The following GABBR2 variants were observed in gnomAD, a reference collection of about 807,000 sequenced individuals.
The protein encoded by GABBR2 is gamma-aminobutyric acid type B receptor subunit 2, also known as G-protein coupled receptor 51.
Under a neutral mutation model 105.6 loss-of-function variants are expected in GABBR2, and 23 were observed. The ratio of observed to expected loss-of-function variants is 0.22; its 90% confidence interval spans 0.16 to 0.31. The LOEUF is 0.31. Ranked by LOEUF, GABBR2 falls within the 10% of genes least tolerant of loss-of-function variation. GABBR2 has a pLI of 1.00. For missense variants in GABBR2, 734 were observed against 1,245.5 expected (o/e 0.59, Z 6.18); for synonymous variants, 478 against 499.7 (o/e 0.96, Z 0.58).
chr9:98,552,173 C>T (rs929904114), intron 2 of GABBR2: 4 of 152,202 alleles, frequency 2.6e-5, no homozygotes, highest in African/African-American at 9.7e-5. Context: ...AGTTTAGCTT[C>T]TCTGCAAAAA....
intron 1 of GABBR2, among the ~76,000 whole-genome samples, chr9:98,597,665 G>C (rs1829258044): frequency 6.6e-6 from 1 of 152,084 alleles, no homozygotes; most frequent in Non-Finnish European, 1.5e-5. Context: ...TGCCTTCCCA[G>C]AATCCCCAGA....
chr9:98,437,005 CA>C (rs1162449787), intron 7 of GABBR2, among the ~76,000 whole-genome samples: 1 of 152,034 alleles, frequency 6.6e-6, no homozygotes, highest in Non-Finnish European at 1.5e-5. Flanking sequence ...GGGTAGAGGA[CA>C]GATTTTAATG....
intron 14 of GABBR2, among the ~76,000 whole-genome samples, chr9:98,308,923 A>G (rs1266335036): frequency 6.6e-6 from 1 of 152,216 alleles, no homozygotes; most frequent in Non-Finnish European, 1.5e-5. Context: ...GCGCCCCATC[A>G]CTGGAGGTAT....
intron 1 of GABBR2, among the ~76,000 whole-genome samples, chr9:98,704,325 C>T (rs1830867954): frequency 6.6e-6 from 1 of 152,220 alleles, no homozygotes; most frequent in South Asian, 2.1e-4. Flanking sequence ...ATCTTGGCAT[C>T]AGGGTGGTCT....
At chr9:98,466,005 T>C (rs867033104) in intron 6 of GABBR2, among the ~76,000 whole-genome samples, 1 of 152,072 alleles carries the variant, frequency 6.6e-6, no homozygotes, top group African/African-American at 2.4e-5. Flanking sequence ...CAAGATCGGG[T>C]TGTTTAAAAG....
At position 98,395,295 on chromosome 9, in the gene GABBR2, G is replaced by A. The variant is rs138988962; in HGVS notation, c.1298-1040C>T. ...TCCCATCCCTGAGCAGAGAACCCAGGAGGGCTTCAAATACAAGGGGAAGAA... is the reference window on the plus strand; with the variant it reads ...TCCCATCCCTGAGCAGAGAACCCAGAAGGGCTTCAAATACAAGGGGAAGAA... On this transcript the variant is annotated intron_variant, in intron 8 of 18. Coordinates refer to ENST00000259455, the MANE Select transcript of GABBR2 (RefSeq NM_005458.8). Among the ~76,000 whole-genome samples the A allele has an allele frequency of 3.1e-3, 469 of 152,240 alleles. 6 individuals are homozygous for A. Among genetic ancestry groups the A allele is most frequent in the African/African-American group, 0.011 (452 of 41,530 alleles).
chr9:98,327,522 T>C (rs1182933581), intron 13 of GABBR2, among the ~76,000 whole-genome samples: 2 of 152,010 alleles, frequency 1.3e-5, no homozygotes, highest in African/African-American at 4.8e-5. Flanking sequence ...GCCAAAGAAG[T>C]TTTGGAAATG....
chr9:98,293,898 TC>T lies in GABBR2; in HGVS notation c.2546del (p.Gly849GlufsTer6). The T allele has an allele frequency of 6.3e-7, 1 of 1,578,084 alleles. No homozygotes were observed. The highest frequency in any genetic ancestry group is 8.7e-7 in the Non-Finnish European group (1 of 1,147,394). Reference protein sequence around the residue: ...NLGNFTESTDGGKAILKNHLD... With the variant: ...NLGNFTESTDXGKAILKNHLD... ...GGTGATTTTTTAAAATGGCCTTTCC[TC>T]CATCTGAATGCAAAACAACAATACC... On this transcript the variant is annotated frameshift_variant, in exon 18 of 19. Transcript: ENST00000259455. LOFTEE classifies it high-confidence loss of function.
intron 7 of GABBR2, among the ~76,000 whole-genome samples, chr9:98,435,369 C>A (rs937463299): frequency 2.6e-5 from 4 of 152,070 alleles, no homozygotes; most frequent in Admixed American, 1.3e-4. Flanking sequence ...AGGAGCACAC[C>A]CTCCATCATC....
At chr9:98,439,459 C>A (rs1214825139) in intron 7 of GABBR2, among the ~76,000 whole-genome samples, 1 of 152,166 alleles carries the variant, frequency 6.6e-6, no homozygotes, top group Non-Finnish European at 1.5e-5. Context: ...ATATTAAAGG[C>A]AATGTTAATA....
chr9:98,598,843 C>T (rs1829277204), intron 1 of GABBR2, among the ~76,000 whole-genome samples: 1 of 152,164 alleles, frequency 6.6e-6, no homozygotes, highest in Non-Finnish European at 1.5e-5. Flanking sequence ...CTACAGGCCA[C>T]GTGAGATGGG....
chr9:98,489,713 A>T (rs560182835), intron 4 of GABBR2, among the ~76,000 whole-genome samples: 2 of 151,626 alleles, frequency 1.3e-5, no homozygotes, highest in African/African-American at 4.8e-5. Context: ...GGCGACCATC[A>T]CACAATTGGG....
chr9:98,696,301 C>T (rs1401781599), intron 1 of GABBR2, among the ~76,000 whole-genome samples: 1 of 152,204 alleles, frequency 6.6e-6, no homozygotes, highest in Admixed American at 6.5e-5. Context: ...CAGAGAGGAC[C>T]ATGTGGCTGG....
chr9:98,293,062 T>C (rs1038189061), intron 18 of GABBR2, among the ~76,000 whole-genome samples: 1 of 152,220 alleles, frequency 6.6e-6, no homozygotes, highest in African/African-American at 2.4e-5. Flanking sequence ...ATTGGTGATT[T>C]GGCTGCTTTT....
chr9:98,607,130 A>T, intron 1 of GABBR2: 1 of 1,609,628 alleles, frequency 6.2e-7, no homozygotes, highest in South Asian at 1.1e-5. Context: ...AGTTTTAATC[A>T]AAGAAGGTGG....
chr9:98,357,630 A>T (rs1368848573), intron 13 of GABBR2, among the ~76,000 whole-genome samples: 1 of 152,128 alleles, frequency 6.6e-6, no homozygotes, highest in African/African-American at 2.4e-5. Flanking sequence ...TAACAGAGTG[A>T]GATCCTGTCT....
At chr9:98,542,824 G>T (rs1828329628) in intron 2 of GABBR2, among the ~76,000 whole-genome samples, 1 of 152,096 alleles carries the variant, frequency 6.6e-6, no homozygotes, top group African/African-American at 2.4e-5. Flanking sequence ...CGCATTCATG[G>T]TTATAGATAA....
In GABBR2 at chr9:98,288,930, C is replaced by T. The variant is rs775215560; in HGVS notation, c.*1654G>A. On this transcript the variant is annotated 3_prime_UTR_variant, in exon 19 of 19. Transcript: ENST00000259455. ...AGTGGTTCTGGGAAGAGATTATTGC[C>T]TGCCTGTTGAAGCTGCCAATAGGTT... 1 of 152,632 alleles carries T rather than the reference C, an allele frequency of 6.6e-6. No homozygotes were observed. Among genetic ancestry groups the T allele is most frequent in the Non-Finnish European group, 1.5e-5 (1 of 68,060 alleles). 9.5% of individuals were successfully genotyped at this position (152,632 alleles called of 1,614,324 possible).
intron 7 of GABBR2, among the ~76,000 whole-genome samples, chr9:98,425,247 T>A (rs777595028): frequency 2.6e-5 from 4 of 152,038 alleles, no homozygotes; most frequent in Non-Finnish European, 4.4e-5. Context: ...AATGAATGAA[T>A]GTAACAGAGC....
Sources: allele counts gnomAD v4.1 joint callset (sites outside exome capture counted in the v4.1 genomes callset), GRCh38; gene constraint gnomAD v4.1.1; transcripts MANE v1.5; gene names NCBI Gene and HGNC (gene_info 2026-07-23, HGNC 2026-07-21).